The following HS6ST3 variants were observed in gnomAD, a reference collection of about 807,000 sequenced individuals.
HS6ST3 encodes heparan-sulfate 6-O-sulfotransferase 3.
In HS6ST3, 12 loss-of-function variants were observed where a neutral mutation model predicts 36.7. That is an observed-to-expected ratio of 0.33 (90% confidence interval 0.21 to 0.53). The LOEUF (loss-of-function observed/expected upper bound fraction) is 0.53. Ranked by LOEUF, HS6ST3 falls within the 20% of genes least tolerant of loss-of-function variation. The pLI, the probability that HS6ST3 is intolerant of heterozygous loss-of-function variation, is 0.95. For missense variants in HS6ST3, 584 were observed against 640.9 expected, an observed-to-expected ratio of 0.91 and a Z score of 0.96; for synonymous variants, 240 against 257.5, an observed-to-expected ratio of 0.93 and a Z score of 0.65.
chr13:96,584,044 T>G (rs1054037536), intron 1 of HS6ST3, among the ~76,000 whole-genome samples: 1 of 152,196 alleles, frequency 6.6e-6, no homozygotes, highest in Non-Finnish European at 1.5e-5. Context: ...TCCATTTTAT[T>G]TCTCTTACAC....
chr13:96,401,886 A>G (rs529808194), intron 1 of HS6ST3, among the ~76,000 whole-genome samples: 2 of 152,278 alleles, frequency 1.3e-5, no homozygotes, highest in Non-Finnish European at 2.9e-5. Context: ...ATTGTTATTT[A>G]TCATTTAACC....
intron 1 of HS6ST3, among the ~76,000 whole-genome samples, chr13:96,166,361 G>A (rs2054160240): frequency 6.6e-6 from 1 of 152,130 alleles, no homozygotes; most frequent in Non-Finnish European, 1.5e-5. Flanking sequence ...CACTGATACA[G>A]CCTAACCGAT....
intron 1 of HS6ST3, among the ~76,000 whole-genome samples, chr13:96,823,213 T>C (rs1878573440): frequency 6.6e-6 from 1 of 152,232 alleles, no homozygotes; most frequent in African/African-American, 2.4e-5. Context: ...TGAGTCATTT[T>C]GACAATGAAA....
intron 1 of HS6ST3, among the ~76,000 whole-genome samples, chr13:96,719,494 C>T (rs1016422189): frequency 2.4e-4 from 36 of 151,990 alleles, no homozygotes; most frequent in African/African-American, 8.7e-4. Context: ...CATTCTTTTT[C>T]TAGGTCTATA....
chr13:96,229,079 A>G (rs1469840686), intron 1 of HS6ST3, among the ~76,000 whole-genome samples: 1 of 152,198 alleles, frequency 6.6e-6, no homozygotes, highest in African/African-American at 2.4e-5. Flanking sequence ...CCCCATTTCA[A>G]GATCTGGTTT....
intron 1 of HS6ST3, among the ~76,000 whole-genome samples, chr13:96,755,348 GT>G (rs955039236): frequency 4.6e-5 from 7 of 150,742 alleles, no homozygotes; most frequent in East Asian, 1.9e-4. Flanking sequence ...CAGTTTTTTT[GT>G]TTTTTTGTTT....
intron 1 of HS6ST3, among the ~76,000 whole-genome samples, chr13:96,693,503 A>G (rs1179770716): frequency 6.6e-6 from 1 of 152,012 alleles, no homozygotes. Context: ...GAGTTTCACC[A>G]TGTTGGTCAG....
chr13:96,357,440 A>G (rs2055215651), intron 1 of HS6ST3, among the ~76,000 whole-genome samples: 1 of 152,136 alleles, frequency 6.6e-6, no homozygotes, highest in African/African-American at 2.4e-5. Flanking sequence ...AGGCCATTGT[A>G]GGGTTGTTAA....
At chr13:96,491,360 T>A (rs1452350968) in intron 1 of HS6ST3, among the ~76,000 whole-genome samples, 1 of 151,680 alleles carries the variant, frequency 6.6e-6, no homozygotes, top group Non-Finnish European at 1.5e-5. Flanking sequence ...CATTTCATAC[T>A]GCCATGAATA....
intron 1 of HS6ST3, among the ~76,000 whole-genome samples, chr13:96,534,306 A>C (rs890424477): frequency 2.0e-5 from 3 of 152,212 alleles, no homozygotes; most frequent in Non-Finnish European, 4.4e-5. Context: ...CTCTTTTCTA[A>C]TGTAATCCAG....
At chr13:96,795,869 C>A (rs961747343) in intron 1 of HS6ST3, among the ~76,000 whole-genome samples, 1 of 152,114 alleles carries the variant, frequency 6.6e-6, no homozygotes, top group African/African-American at 2.4e-5. Context: ...CCTAGAGGGG[C>A]TGCTGCTGGT....
chr13:96,602,684 A>G (rs929297844), intron 1 of HS6ST3, among the ~76,000 whole-genome samples: 1 of 152,140 alleles, frequency 6.6e-6, no homozygotes, highest in Admixed American at 6.5e-5. Context: ...TCGCCATACT[A>G]TCCTGAAGCC....
intron 1 of HS6ST3, among the ~76,000 whole-genome samples, chr13:96,476,373 T>C (rs139851264): frequency 5.3e-5 from 8 of 152,264 alleles, no homozygotes; most frequent in African/African-American, 1.9e-4. Context: ...TTTCTTTTCT[T>C]TTCTTTTGAG....
intron 1 of HS6ST3, among the ~76,000 whole-genome samples, chr13:96,388,003 G>A (rs770972899): frequency 5.9e-5 from 9 of 152,136 alleles, no homozygotes; most frequent in Non-Finnish European, 8.8e-5. Flanking sequence ...ATAAAACAAC[G>A]ATTTGGCCAA....
At chr13:96,584,994 A>G (rs929352443) in intron 1 of HS6ST3, among the ~76,000 whole-genome samples, 1 of 152,216 alleles carries the variant, frequency 6.6e-6, no homozygotes, top group African/African-American at 2.4e-5. Context: ...GAGAACAGTC[A>G]GATACTTGGA....
intron 1 of HS6ST3, among the ~76,000 whole-genome samples, chr13:96,701,314 C>T (rs1330486956): frequency 6.6e-6 from 1 of 152,132 alleles, no homozygotes; most frequent in South Asian, 2.1e-4. Flanking sequence ...AATTACTGGT[C>T]TGATGATGTA....
intron 1 of HS6ST3, among the ~76,000 whole-genome samples, chr13:96,696,012 G>A (rs575704285): frequency 6.6e-6 from 1 of 152,320 alleles, no homozygotes; most frequent in East Asian, 1.9e-4. Context: ...TACATAGGGA[G>A]AAGAGTCTCT....
At chr13:96,497,402 A>G (rs2055982685) in intron 1 of HS6ST3, among the ~76,000 whole-genome samples, 1 of 152,166 alleles carries the variant, frequency 6.6e-6, no homozygotes, top group East Asian at 1.9e-4. Context: ...ACTATCTTTC[A>G]GTCACTCCCT....
chr13:96,669,089 G>A (rs1190077392), intron 1 of HS6ST3, among the ~76,000 whole-genome samples: 2 of 152,092 alleles, frequency 1.3e-5, no homozygotes, highest in Non-Finnish European at 2.9e-5. Flanking sequence ...CCTGTTATTT[G>A]TGGTAGACCT....
Sources: allele counts gnomAD v4.1 joint callset (sites outside exome capture counted in the v4.1 genomes callset), GRCh38; gene constraint gnomAD v4.1.1; transcripts MANE v1.5; gene names NCBI Gene and HGNC (gene_info 2026-07-23, HGNC 2026-07-21).